Variants in CSMD1 observed in about 807,000 individuals in gnomAD.
CSMD1 encodes CUB and Sushi multiple domains 1.
Under a neutral mutation model 417.5 loss-of-function variants are expected in CSMD1, and 213 were observed. That is an observed-to-expected ratio of 0.51 (90% CI 0.46 to 0.57). CSMD1 has a LOEUF of 0.57. Ranked by LOEUF, CSMD1 falls within the 20% of genes least tolerant of loss-of-function variation. CSMD1 has a pLI of 0.00. For missense variants in CSMD1, 6,923 were observed against 4,529.7 expected (o/e 1.53, Z -15.17); for synonymous variants, 2,862 against 1,736.8 (o/e 1.65, Z -16.11).
intron 4 of CSMD1, among the ~76,000 whole-genome samples, chr8:4,002,543 C>G (rs747574417): frequency 1.6e-4 from 25 of 152,238 alleles, no homozygotes; most frequent in African/African-American, 3.9e-4. Context: ...CCCATTTCGA[C>G]TGAGAAAAAT....
At chr8:4,360,927 A>G (rs1447200392) in intron 3 of CSMD1, among the ~76,000 whole-genome samples, 2 of 152,308 alleles carry the variant, frequency 1.3e-5, no homozygotes, top group East Asian at 1.9e-4. Flanking sequence ...TAGCAGGTGA[A>G]TTTCTTTTTA....
chr8:4,721,295 T>G (rs191520611), intron 1 of CSMD1, among the ~76,000 whole-genome samples: 2 of 152,192 alleles, frequency 1.3e-5, no homozygotes, highest in Non-Finnish European at 2.9e-5. Context: ...AAGAAATAAA[T>G]ACATGTGATT....
intron 3 of CSMD1, among the ~76,000 whole-genome samples, chr8:4,384,883 C>A (rs925498943): frequency 8.6e-5 from 13 of 151,032 alleles, no homozygotes; most frequent in African/African-American, 2.9e-4. Flanking sequence ...GCTCTAATTT[C>A]TGGTGACTAT....
At chr8:4,203,302 A>G (rs941061195) in intron 3 of CSMD1, among the ~76,000 whole-genome samples, 1 of 152,116 alleles carries the variant, frequency 6.6e-6, no homozygotes, top group African/African-American at 2.4e-5. Context: ...AGGCCCCTCA[A>G]CACCACGGGG....
chr8:4,631,278 C>T (rs1009339555), intron 2 of CSMD1, among the ~76,000 whole-genome samples: 1 of 152,142 alleles, frequency 6.6e-6, no homozygotes, highest in African/African-American at 2.4e-5. Context: ...AGGAGAATCG[C>T]TGGAACCTGG....
chr8:4,207,226 T>C (rs192272253), intron 3 of CSMD1, among the ~76,000 whole-genome samples: 1 of 152,170 alleles, frequency 6.6e-6, no homozygotes, highest in African/African-American at 2.4e-5. Context: ...TTGTATAACA[T>C]GCAAATATAG....
intron 8 of CSMD1, among the ~76,000 whole-genome samples, chr8:3,608,182 A>G (rs1307199186): frequency 6.6e-6 from 1 of 151,932 alleles, no homozygotes; most frequent in Non-Finnish European, 1.5e-5. Context: ...TCAAAAAAAA[A>G]AAAAAAAAAA....
intron 3 of CSMD1, among the ~76,000 whole-genome samples, chr8:4,371,908 T>G (rs532753333): frequency 3.3e-5 from 5 of 152,310 alleles, no homozygotes; most frequent in African/African-American, 1.2e-4. Flanking sequence ...AGAAGGGAAG[T>G]GTGGATTTCA....
chr8:4,743,972 G>C (rs1466208183), intron 1 of CSMD1, among the ~76,000 whole-genome samples: 1 of 152,090 alleles, frequency 6.6e-6, no homozygotes, highest in East Asian at 1.9e-4. Flanking sequence ...TGAGATGACG[G>C]ACTCTAAAAC....
chr8:4,515,563 TA>T (rs1385406906), intron 2 of CSMD1, among the ~76,000 whole-genome samples: 9 of 152,226 alleles, frequency 5.9e-5, no homozygotes, highest in Non-Finnish European at 1.0e-4. Flanking sequence ...TAAACCCAGT[TA>T]AATTCAAGTC....
chr8:4,378,459 G>A (rs1424756841), intron 3 of CSMD1, among the ~76,000 whole-genome samples: 2 of 152,128 alleles, frequency 1.3e-5, no homozygotes, highest in Non-Finnish European at 2.9e-5. Context: ...TCTCTGTCTA[G>A]CACTCTGTCT....
At chr8:3,008,757 G>A (rs1311565026) in intron 52 of CSMD1, among the ~76,000 whole-genome samples, 2 of 152,186 alleles carry the variant, frequency 1.3e-5, no homozygotes, top group Non-Finnish European at 2.9e-5. Flanking sequence ...ACTTGCTTTT[G>A]CTACTGAAAG....
intron 3 of CSMD1, among the ~76,000 whole-genome samples, chr8:4,134,508 A>T (rs566755799): frequency 6.6e-6 from 1 of 152,364 alleles, no homozygotes; most frequent in South Asian, 2.1e-4. Flanking sequence ...TCCAGCCTCC[A>T]GAACTGTGAG....
intron 3 of CSMD1, among the ~76,000 whole-genome samples, chr8:4,120,294 T>C (rs1291216406): frequency 2.6e-5 from 4 of 152,182 alleles, no homozygotes; most frequent in African/African-American, 7.2e-5. Context: ...TTTTATTATA[T>C]ATACTTCAGT....
intron 1 of CSMD1, among the ~76,000 whole-genome samples, chr8:4,904,921 A>G (rs1322616369): frequency 2.0e-5 from 3 of 152,180 alleles, no homozygotes; most frequent in Non-Finnish European, 2.9e-5. Context: ...ACTTCTGTAG[A>G]ATACTGTCCA....
intron 1 of CSMD1, among the ~76,000 whole-genome samples, chr8:4,725,754 G>T (rs1024876553): frequency 1.3e-5 from 2 of 152,150 alleles, no homozygotes; most frequent in African/African-American, 4.8e-5. Context: ...TTATTTAGTA[G>T]CTGGTACCTT....
chr8:3,560,842 G>C (rs1373311669), intron 10 of CSMD1, among the ~76,000 whole-genome samples: 1 of 152,130 alleles, frequency 6.6e-6, no homozygotes, highest in African/African-American at 2.4e-5. Context: ...CAATGGCTTA[G>C]GGTAAAGGGT....
chr8:3,238,515 G>A (rs1284426620), intron 26 of CSMD1, among the ~76,000 whole-genome samples: 1 of 152,076 alleles, frequency 6.6e-6, no homozygotes, highest in African/African-American at 2.4e-5. Context: ...ATGTTTCTCA[G>A]GGCTGCTTGG....
intron 2 of CSMD1, among the ~76,000 whole-genome samples, chr8:4,484,206 A>G (rs1444014615): frequency 6.6e-6 from 1 of 152,004 alleles, no homozygotes; most frequent in Non-Finnish European, 1.5e-5. Context: ...ACACGAAAAA[A>G]AAAAAAAAAA....
Sources: gnomAD v4.1 joint callset for allele counts (sites outside exome capture counted in the v4.1 genomes callset) on GRCh38, gnomAD v4.1.1 for gene constraint, MANE v1.5 for transcripts, NCBI Gene and HGNC (gene_info 2026-07-23, HGNC 2026-07-21) for gene names.